The following ANAPC15 variants were observed in gnomAD, a reference collection of about 807,000 sequenced individuals.
ANAPC15 encodes anaphase promoting complex subunit 15.
A neutral mutation model predicts 19.8 loss-of-function variants in ANAPC15; 13 were observed. The observed-to-expected ratio is 0.66, with a 90% CI of 0.43 to 1.04. The LOEUF (loss-of-function observed/expected upper bound fraction) is 1.04. Ranked by LOEUF, ANAPC15 falls within the 50% of genes least tolerant of loss-of-function variation. ANAPC15 has a pLI of 0.00. For missense variants in ANAPC15, 88 were observed against 150.3 expected (o/e 0.59, Z 2.17); for synonymous variants, 45 against 50.7 (o/e 0.89, Z 0.47).
downstream of ANAPC15, chr11:72,108,170 C>T: frequency 7.0e-7 from 1 of 1,424,400 alleles, no homozygotes; most frequent in Non-Finnish European, 9.3e-7. Flanking sequence ...AGGCCTTGCC[C>T]CCAGACATCC....
In ANAPC15 at chr11:72,112,488, G is replaced by T. The variant is rs1385181056; in HGVS notation, c.-96+162C>A. 15 of 296,698 alleles carry T rather than the reference G, an allele frequency of 5.1e-5. No homozygotes were observed. In the East Asian group the frequency reaches 6.2e-4, roughly 12 times the overall value. The allele number at this position is 296,698 out of a possible 1,614,324, so 18.4% of individuals were successfully genotyped here. On this transcript the variant is annotated intron_variant, in intron 1 of 5. Coordinates refer to ENST00000227618, the MANE Select transcript of ANAPC15 (RefSeq NM_014042.3). ...ATGACGGACCTTGTGTGACGGGGTGGGGCTTAGTCTCGAGGAAGCGGCCAA... is the reference window on the plus strand; with the variant it reads ...ATGACGGACCTTGTGTGACGGGGTGTGGCTTAGTCTCGAGGAAGCGGCCAA...
At chr11:72,109,188 T>C (rs1438489632), downstream of ANAPC15, 1 of 509,786 alleles carries the variant, frequency 2.0e-6, no homozygotes, top group Non-Finnish European at 3.6e-6. Context: ...CCGACCCAGC[T>C]CTGTCACTGA....
downstream of ANAPC15, chr11:72,107,623 G>A: frequency 1.5e-6 from 1 of 663,600 alleles, no homozygotes; most frequent in South Asian, 1.6e-5. Flanking sequence ...GGTAGGATAG[G>A]ATCAGGTCCA....
chr11:72,112,440 G>A (rs749970595), intron 1 of ANAPC15: 6 of 268,346 alleles, frequency 2.2e-5, no homozygotes, highest in Middle Eastern at 8.1e-4. Context: ...GAAATGCTGG[G>A]TGACAGGAAG....
At chr11:72,109,455 T>C, downstream of ANAPC15, 2 of 408,402 alleles carry the variant, frequency 4.9e-6, no homozygotes, top group Non-Finnish European at 9.7e-6. Context: ...AGGGATGCCC[T>C]GGCCTTCCCT....
chr11:72,111,129 C>T, intron 3 of ANAPC15, 28 bp downstream of exon 3: 2 of 1,462,576 alleles, frequency 1.4e-6, no homozygotes, highest in Non-Finnish European at 1.9e-6. Context: ...GTGCTGAGGT[C>T]TCTGTGCTGT....
At chr11:72,107,261 G>A, downstream of ANAPC15, 1 of 599,252 alleles carries the variant, frequency 1.7e-6, no homozygotes, top group Admixed American at 2.9e-5. Context: ...AGCAAGACTT[G>A]GTCTCAAAAA....
chr11:72,109,123 C>T (rs988688218), downstream of ANAPC15: 4 of 588,100 alleles, frequency 6.8e-6, no homozygotes, highest in Non-Finnish European at 1.2e-5. Flanking sequence ...CTTGGTCTCA[C>T]TAGGCCCCCT....
At chr11:72,108,980 G>A (rs1946043315), downstream of ANAPC15, 2 of 1,421,018 alleles carry the variant, frequency 1.4e-6, no homozygotes, top group East Asian at 2.5e-5. Flanking sequence ...CCCAAGCAGG[G>A]ACCTCAAAAT....
chr11:72,110,693 C>G, intron 3 of ANAPC15, 90 bp from the exon 4 acceptor site: 1 of 1,425,166 alleles, frequency 7.0e-7, no homozygotes, highest in Non-Finnish European at 9.8e-7. Context: ...AGAAGACAAC[C>G]CACACGTGTT....
rs1946821008 is a variant in ANAPC15, at chr11:72,111,226, CCA to C, written c.49_50del (p.Trp17ValfsTer2). On this transcript the variant is annotated frameshift_variant, in exon 3 of 6. Coordinates refer to ENST00000227618, the MANE Select transcript of ANAPC15 (RefSeq NM_014042.3). LOFTEE classifies it high-confidence loss of function. ...CCACACAGGGTCGATCCAGATTAAA[CCA>C]CAGAGTCTCAGTCACACGAGGGAAG... ...SLFPRVTETL[W>X]FNLDRPCVEE... The C allele has an allele frequency of 1.2e-6, 2 of 1,614,106 alleles. No individual in the cohort carries two copies. The highest frequency in any genetic ancestry group is 1.7e-6 in the Non-Finnish European group (2 of 1,179,950).
rs748701382 is a variant in ANAPC15, at chr11:72,110,232, G to A, written c.181-7C>T. ...CTTCCTCGTCATCATAGTGCTGGTG[G>A]GCAGGACAGAGCCTGTAAGCCCTAC... On this transcript the variant is annotated splice_polypyrimidine_tract_variant and splice_region_variant and intron_variant, in intron 4 of 5. Coordinates refer to ENST00000227618, the MANE Select transcript of ANAPC15 (RefSeq NM_014042.3). 12 of 1,613,160 alleles carry A rather than the reference G, an allele frequency of 7.4e-6. No individual in the cohort carries two copies. In the South Asian group the frequency reaches 1.3e-4, roughly 18 times the overall value.
chr11:72,108,910 T>C (rs530987072), downstream of ANAPC15: 24 of 1,540,166 alleles, frequency 1.6e-5, 1 homozygote, highest in African/African-American at 2.9e-4. Flanking sequence ...AGCTCACCTA[T>C]GCTGGACCAG....
intron 4 of ANAPC15, 32 bp from the exon 5 acceptor site, chr11:72,110,257 C>T (rs770757770): frequency 1.2e-6 from 2 of 1,610,984 alleles, no homozygotes; most frequent in East Asian, 2.2e-5. Context: ...GTAAGCCCTA[C>T]AGGCCTGCAT....
downstream of ANAPC15, chr11:72,107,645 G>A (rs779200548): frequency 3.8e-5 from 24 of 623,580 alleles, no homozygotes; most frequent in Non-Finnish European, 5.5e-5. Flanking sequence ...GGTCCTGAAT[G>A]CCAGGCTGAG....
At chr11:72,110,823 T>C in intron 3 of ANAPC15, 1 of 592,188 alleles carries the variant, frequency 1.7e-6, no homozygotes, top group Non-Finnish European at 3.0e-6. Context: ...ATAATTATGG[T>C]GAGGATGAAG....
Position 72,111,416 on chromosome 11 carries a change from C to A in ANAPC15, c.-15G>T, listed in dbSNP as rs1946912771. On this transcript the variant is annotated 5_prime_UTR_variant, in exon 2 of 6. Coordinates refer to ENST00000227618, the MANE Select transcript of ANAPC15 (RefSeq NM_014042.3). The stretch of plus-strand genomic sequence containing the variant: ...CCCCCTAGGAATCAGACAGACCTGG[C>A]TTTGAGTCCTGGCTCCACCACTTAC... 33 of 696,544 alleles carry A rather than the reference C, an allele frequency of 4.7e-5. No homozygotes were observed. In the South Asian group the frequency reaches 5.7e-4, roughly 12 times the overall value. The allele number at this position is 696,544 out of a possible 1,614,324, so 43.1% of individuals were successfully genotyped here.
chr11:72,112,326 TG>T (rs1246079284), intron 1 of ANAPC15: 3 of 170,098 alleles, frequency 1.8e-5, no homozygotes, highest in Non-Finnish European at 3.9e-5. Context: ...ACCATGCAGT[TG>T]ACCAACAGAA....
At chr11:72,106,940 C>CAAA, downstream of ANAPC15, 1 of 81,524 alleles carries the variant, frequency 1.2e-5, no homozygotes, top group South Asian at 3.7e-4. Flanking sequence ...GAACCTGTCT[C>CAAA]AAAAAAAAAA....
Sources: gnomAD v4.1 joint callset for allele counts on GRCh38, gnomAD v4.1.1 for gene constraint, MANE v1.5 for transcripts, NCBI Gene and HGNC (gene_info 2026-07-23, HGNC 2026-07-21) for gene names.